The following MYH11 variants were observed in gnomAD, a reference collection of about 807,000 sequenced individuals.
MYH11 encodes myosin-11.
In MYH11, 80 loss-of-function variants were observed where a neutral mutation model predicts 246.6. The observed-to-expected ratio is 0.32, with a 90% CI of 0.27 to 0.39. The LOEUF is 0.39. Ranked by LOEUF, MYH11 falls within the 10% of genes least tolerant of loss-of-function variation. The pLI is 1.00. For missense variants in MYH11, 2,158 were observed against 2,546.8 expected, an observed-to-expected ratio of 0.85 and a Z score of 3.29; for synonymous variants, 1,071 against 1,015.5, an observed-to-expected ratio of 1.05 and a Z score of -1.04.
At position 15,756,442 on chromosome 16, in the gene MYH11, C is replaced by T. The variant is rs2041719116; in HGVS notation, c.1648G>A (p.Val550Met). 1.9e-6 allele frequency: 3 copies of T among 1,614,158 alleles called. No individual in the cohort carries two copies. Among genetic ancestry groups the T allele is most frequent in the Admixed American group, 1.7e-5 (1 of 60,010 alleles). ...CCCTGCTCCGTGCACAGCTTCTCCA[C>T]GAAAGACTTGTCCGTGGCTTTGGGG... ...WFPKATDKSF[V>M]EKLCTEQGSH... The change falls in exon 14 of 41, where the codon GTG (valine) becomes ATG (methionine). Residue 550 changes from valine (V) to methionine (M), a missense_variant. Val to Met is a conservative substitution (Grantham distance 21). Around this residue, in one of 11 missense-constraint regions of MYH11, gnomAD observed 317 missense variants for 507.7 expected, o/e 0.62. Coordinates refer to ENST00000300036, the MANE Select transcript of MYH11 (RefSeq NM_002474.3).
Position 15,724,954 on chromosome 16 carries a change from G to GGCCTC in MYH11, c.3892_3896dup (p.Glu1300ArgfsTer160). On this transcript the variant is annotated frameshift_variant, in exon 29 of 41. Transcript: ENST00000300036. LOFTEE classifies it high-confidence loss of function. ...TGGCCAGCTTAATGGCCTTCCCCTC[G>GGCCTC]GCCTCGTTAAGCATCCCTGTGACGC... The GGCCTC allele has an allele frequency of 1.2e-6, 2 of 1,614,046 alleles. No homozygotes were observed. Among genetic ancestry groups the GGCCTC allele is most frequent in the Non-Finnish European group, 1.7e-6 (2 of 1,180,022 alleles).
chr16:15,819,075 A>G (rs1314671001), intron 3 of MYH11, among the ~76,000 whole-genome samples: 1 of 151,488 alleles, frequency 6.6e-6, no homozygotes, highest in Non-Finnish European at 1.5e-5. Context: ...AGAGCTCACT[A>G]TGTTGGCCAG....
chr16:15,804,714 A>G (rs1427002740), intron 3 of MYH11, among the ~76,000 whole-genome samples: 3 of 152,056 alleles, frequency 2.0e-5, no homozygotes, highest in African/African-American at 4.8e-5. Context: ...TTCTGTCTCT[A>G]TGGTCTTACC....
intron 27 of MYH11, among the ~76,000 whole-genome samples, chr16:15,729,708 G>A (rs376710980): frequency 7.2e-5 from 11 of 152,062 alleles, no homozygotes; most frequent in Admixed American, 3.9e-4. Flanking sequence ...CCGCCACCAC[G>A]TCCAGCTAAT....
intron 9 of MYH11, among the ~76,000 whole-genome samples, chr16:15,766,804 C>T (rs1356205697): frequency 6.6e-6 from 1 of 152,176 alleles, no homozygotes; most frequent in East Asian, 1.9e-4. Flanking sequence ...CAAAAGAATG[C>T]CACCACTCCC....
chr16:15,765,425 CATTGATGGATG>C (rs1407584711), intron 9 of MYH11, among the ~76,000 whole-genome samples: 1 of 150,610 alleles, frequency 6.6e-6, no homozygotes, highest in Non-Finnish European at 1.5e-5. Flanking sequence ...ATGGATACAG[CATTGATGGATG>C]GATGATGGAT....
chr16:15,815,358 C>T (rs915090093), intron 3 of MYH11, among the ~76,000 whole-genome samples: 21 of 151,970 alleles, frequency 1.4e-4, no homozygotes, highest in African/African-American at 5.1e-4. Flanking sequence ...AAAAGAATGT[C>T]ATATGAAAGA....
At chr16:15,737,928 G>A (rs1407428964) in intron 24 of MYH11, among the ~76,000 whole-genome samples, 1 of 152,090 alleles carries the variant, frequency 6.6e-6, no homozygotes, top group Non-Finnish European at 1.5e-5. Flanking sequence ...GAGTAGCTGG[G>A]ATTACAGGCG....
intron 2 of MYH11, 30 bp from the exon 3 acceptor site, chr16:15,823,441 G>A: frequency 6.2e-7 from 1 of 1,614,114 alleles, no homozygotes; most frequent in Non-Finnish European, 8.5e-7. Flanking sequence ...CTTACTTCCA[G>A]ACCTCCTCCA....
At chr16:15,732,790 TC>T (rs2151236372) in intron 26 of MYH11, 82 bp from the exon 27 acceptor site, 1 of 1,543,626 alleles carries the variant, frequency 6.5e-7, no homozygotes, top group Non-Finnish European at 8.9e-7. Flanking sequence ...TGAGAGCTCT[TC>T]CAGGACCCAG....
chr16:15,751,125 T>G (rs1394405624), intron 15 of MYH11, among the ~76,000 whole-genome samples: 3 of 97,772 alleles, frequency 3.1e-5, no homozygotes, highest in Non-Finnish European at 5.5e-5. Context: ...TAGGTATTAT[T>G]ATTATTATTA....
chr16:15,724,476 A>G (rs2040646871), intron 30 of MYH11, 67 bp from the exon 31 acceptor site: 1 of 1,609,920 alleles, frequency 6.2e-7, no homozygotes. Context: ...CTGGCCCCAC[A>G]GACTCTGAGA....
At chr16:15,722,897 C>T (rs1250879709) in intron 31 of MYH11, among the ~76,000 whole-genome samples, 1 of 152,178 alleles carries the variant, frequency 6.6e-6, no homozygotes, top group Non-Finnish European at 1.5e-5. Context: ...GCGTGCGCCA[C>T]CACGCCCGGC....
chr16:15,726,703 T>G, intron 28 of MYH11, 145 bp downstream of exon 28: 1 of 924,044 alleles, frequency 1.1e-6, no homozygotes, highest in Non-Finnish European at 1.7e-6. Context: ...AACAGGGAGA[T>G]CATCGCCTCT....
intron 5 of MYH11, chr16:15,783,021 A>G (rs2042391191): frequency 6.3e-6 from 1 of 159,796 alleles, no homozygotes; most frequent in African/African-American, 2.4e-5. Flanking sequence ...CACAAAACCC[A>G]CCAGGAATCC....
At chr16:15,737,309 G>T in intron 25 of MYH11, 140 bp downstream of exon 25, 1 of 1,025,556 alleles carries the variant, frequency 9.8e-7, no homozygotes, top group Non-Finnish European at 1.5e-6. Flanking sequence ...AAGGCTTGTG[G>T]GAGGCCTGGC....
intron 40 of MYH11, chr16:15,711,362 T>C (rs1031959881): frequency 1.1e-4 from 16 of 152,300 alleles, no homozygotes; most frequent in Admixed American, 5.2e-4. Flanking sequence ...TGCTAATGGC[T>C]GTTGTCACTC....
chr16:15,723,796 G>C (rs2040605712), intron 31 of MYH11, among the ~76,000 whole-genome samples: 1 of 152,208 alleles, frequency 6.6e-6, no homozygotes, highest in African/African-American at 2.4e-5. Flanking sequence ...GGTATTAAAA[G>C]TATAGAAACT....
At chr16:15,845,041 T>G (rs1245149666) in intron 1 of MYH11, among the ~76,000 whole-genome samples, 1 of 152,172 alleles carries the variant, frequency 6.6e-6, no homozygotes, top group Non-Finnish European at 1.5e-5. Context: ...AATCAGATGC[T>G]AATTCAAACG....
Sources: allele counts gnomAD v4.1 joint callset (sites outside exome capture counted in the v4.1 genomes callset), GRCh38; gene constraint gnomAD v4.1.1; regional missense constraint gnomAD v4.1.1; transcripts MANE v1.5; gene names NCBI Gene and HGNC (gene_info 2026-07-23, HGNC 2026-07-21).